Variants in ITGAE observed in about 807,000 individuals in gnomAD.
The protein encoded by ITGAE is integrin subunit alpha E.
Under a neutral mutation model 136.5 loss-of-function variants are expected in ITGAE, and 99 were observed. That is an observed-to-expected ratio of 0.73 (90% CI 0.62 to 0.86). ITGAE has a LOEUF of 0.86. ITGAE is among the 40% of genes least tolerant of loss of function. ITGAE has a pLI of 0.00. For synonymous variants in ITGAE, 613 were observed against 591.8 expected (o/e 1.04, Z -0.52); for missense variants, 1,447 against 1,515.3 (o/e 0.95, Z 0.75).
intron 1 of ITGAE, among the ~76,000 whole-genome samples, chr17:3,795,826 CCTGT>C (rs2053054665): frequency 2.2e-5 from 3 of 139,376 alleles, no homozygotes; most frequent in Admixed American, 1.4e-4. Context: ...CGTGTGCATC[CCTGT>C]GTGTGCATGT....
At chr17:3,723,767 G>T in intron 26 of ITGAE, 23 bp from the exon 27 acceptor site, 1 of 1,605,164 alleles carries the variant, frequency 6.2e-7, no homozygotes, top group Non-Finnish European at 8.5e-7. Context: ...CCATGACCGC[G>T]ACGCGCTGAA....
Position 3,757,756 on chromosome 17 carries a change from T to C in ITGAE, c.970A>G (p.Thr324Ala), listed in dbSNP as rs1396093709. 6.2e-7 allele frequency: 1 copy of C among 1,614,028 alleles called. No homozygotes were observed. Among genetic ancestry groups the C allele is most frequent in the Non-Finnish European group, 8.5e-7 (1 of 1,180,002 alleles). The change falls in exon 9 of 31, where the codon ACA (threonine) becomes GCA (alanine). Residue 324 changes from threonine to alanine, a missense_variant. Thr to Ala is a moderately conservative substitution (Grantham distance 58). This residue lies in a region of ITGAE where 310 missense variants were observed against 416.1 expected (regional missense o/e 0.74). Coordinates refer to ENST00000263087, the MANE Select transcript of ITGAE (RefSeq NM_002208.5). ...TGCATTTTGGGGGAGTTGATGACTGTCGTAAGGTTGAGGGGGTCCTCGAAT... is the reference window on the plus strand; with the variant it reads ...TGCATTTTGGGGGAGTTGATGACTGCCGTAAGGTTGAGGGGGTCCTCGAAT... Reference protein sequence around the residue: ...GIFEDPLNLTTVINSPKMQGV... With the variant: ...GIFEDPLNLTAVINSPKMQGV...
chr17:3,791,252 G>A (rs1241276962), intron 1 of ITGAE, among the ~76,000 whole-genome samples: 1 of 151,912 alleles, frequency 6.6e-6, no homozygotes, highest in African/African-American at 2.4e-5. Context: ...TTAGTTAGGT[G>A]GTAAGAACAT....
At chr17:3,725,856 G>T (rs1375841218) in intron 26 of ITGAE, 3 of 1,602,492 alleles carry the variant, frequency 1.9e-6, no homozygotes, top group Non-Finnish European at 2.6e-6. Flanking sequence ...AGTGGCAGAG[G>T]CATCACTGCG....
Position 3,731,340 on chromosome 17 carries a change from T to TC in ITGAE, c.2755-158_2755-157insG, listed in dbSNP as rs1490725429. Reference sequence around the variant, plus strand: ...AGCATGTTTCCTTTCCCTTCCTTTTTTTTTTTTTTTTTTTTTTTTGAGAGG... The same window carrying TC: ...AGCATGTTTCCTTTCCCTTCCTTTTTCTTTTTTTTTTTTTTTTTTTGAGAGG... On this transcript the variant is annotated intron_variant, in intron 22 of 30. Transcript: ENST00000263087. Among the ~76,000 whole-genome samples the TC allele has an allele frequency of 7.3e-3, 157 of 21,366 alleles. 2 individuals carry two copies. Among genetic ancestry groups the TC allele is most frequent in the African/African-American group, 0.015 (153 of 10,002 alleles). The allele number at this position is 21,366 out of a possible 152,430, so 14.0% of individuals were successfully genotyped here. A position where few individuals can be genotyped will look rare whatever the true frequency, so the allele number is the denominator to read the frequency against.
chr17:3,724,156 G>C, intron 26 of ITGAE: 1 of 1,594,540 alleles, frequency 6.3e-7, no homozygotes, highest in Non-Finnish European at 8.5e-7. Context: ...TTCCCCGGCA[G>C]CCCGGTGAGG....
At chr17:3,794,992 C>G (rs150225193) in intron 1 of ITGAE, among the ~76,000 whole-genome samples, 1 of 152,318 alleles carries the variant, frequency 6.6e-6, no homozygotes, top group Non-Finnish European at 1.5e-5. Flanking sequence ...CAGCGGCTCC[C>G]TCCACCCAGC....
At chr17:3,770,680 G>A (rs766950404) in intron 2 of ITGAE, among the ~76,000 whole-genome samples, 7 of 152,192 alleles carry the variant, frequency 4.6e-5, no homozygotes, top group Non-Finnish European at 5.9e-5. Context: ...GAACCCAGAA[G>A]TGCCTCCCAC....
intron 18 of ITGAE, among the ~76,000 whole-genome samples, chr17:3,743,950 G>T (rs1431340587): frequency 6.6e-6 from 1 of 150,978 alleles, no homozygotes; most frequent in African/African-American, 2.4e-5. Context: ...TGATCCACCC[G>T]CCTCAGCCTC....
Position 3,755,391 on chromosome 17 carries a change from G to T in ITGAE, c.1240-130C>A, listed in dbSNP as rs562697978. 1.3e-4 allele frequency: 143 copies of T among 1,105,770 alleles called. 4 individuals carry two copies. The South Asian group carries it at 2.3e-3, about 18-fold the overall frequency. 68.5% of individuals were successfully genotyped at this position (1,105,770 alleles called of 1,614,324 possible). A position where few individuals can be genotyped will look rare whatever the true frequency, so the allele number is the denominator to read the frequency against. ...GGGGGCGTTCGGTGGTCTAGTGCCC[G>T]CCTGGCCAGAGATGCAGGCGGGAAG... On this transcript the variant is annotated intron_variant, in intron 11 of 30. Coordinates refer to ENST00000263087, the MANE Select transcript of ITGAE (RefSeq NM_002208.5).
At position 3,731,219 on chromosome 17, in the gene ITGAE, C is replaced by A. The variant is rs374610370; in HGVS notation, c.2755-36G>T. The A allele has an allele frequency of 4.0e-6, 6 of 1,514,334 alleles. No individual in the cohort carries two copies. In the South Asian group the frequency reaches 6.7e-5, roughly 17 times the overall value. 93.8% of individuals were successfully genotyped at this position (1,514,334 alleles called of 1,614,324 possible). Reference sequence around the variant, plus strand: ...GGGGGAAAAATGGTCAGTTGATTCTCTCTATGCCACTCACAATTCAGACCG... The same window carrying A: ...GGGGGAAAAATGGTCAGTTGATTCTATCTATGCCACTCACAATTCAGACCG... On this transcript the variant is annotated intron_variant, in intron 22 of 30. Coordinates refer to ENST00000263087, the MANE Select transcript of ITGAE (RefSeq NM_002208.5).
Position 3,740,799 on chromosome 17 carries a change from C to T in ITGAE, c.2449-921G>A, listed in dbSNP as rs187827999. Among the ~76,000 whole-genome samples the T allele has an allele frequency of 3.3e-5, 5 of 152,290 alleles. No homozygotes were observed. In the East Asian group the frequency reaches 9.6e-4, roughly 29 times the overall value. ...CTCCAGTTCGTGTTTTTAAAAATTCCAGTGTTCTAAAGTAGCTGGGTCTGT... is the reference window on the plus strand; with the variant it reads ...CTCCAGTTCGTGTTTTTAAAAATTCTAGTGTTCTAAAGTAGCTGGGTCTGT... On this transcript the variant is annotated intron_variant, in intron 19 of 30. Transcript: ENST00000263087.
intron 1 of ITGAE, among the ~76,000 whole-genome samples, chr17:3,796,030 C>T (rs111590703): frequency 3.9e-5 from 3 of 76,222 alleles, no homozygotes; most frequent in Middle Eastern, 0.024. Flanking sequence ...CGCGTGTGTG[C>T]GTGTGCATCC....
intron 8 of ITGAE, 67 bp from the exon 9 acceptor site, chr17:3,757,926 T>G: frequency 6.4e-7 from 1 of 1,553,516 alleles, no homozygotes; most frequent in Non-Finnish European, 8.8e-7. Context: ...CAGGAGAGAC[T>G]TTATTCTCTG....
rs543452957 is a variant in ITGAE, at chr17:3,797,400, C to T, written c.34+3711G>A. ...CAGGATGGTCTCGATCTCCTGACCT[C>T]ATGATCTGCCCACCTTGGCCTCCTA... On this transcript the variant is annotated intron_variant, in intron 1 of 30. Transcript: ENST00000263087. Among the ~76,000 whole-genome samples the T allele has an allele frequency of 4.4e-3, 657 of 150,762 alleles. 8 individuals carry two copies. The East Asian group carries it at 0.044, about 10-fold the overall frequency.
intron 2 of ITGAE, among the ~76,000 whole-genome samples, chr17:3,773,030 A>G (rs932583046): frequency 2.2e-4 from 33 of 152,166 alleles, no homozygotes; most frequent in Non-Finnish European, 4.4e-5. Flanking sequence ...CAGTCCCACA[A>G]GACTGCTCCT....
rs757045170 is a variant in ITGAE, at chr17:3,757,742, G to T, written c.984C>A (p.Ser328=). 2 of 1,614,024 alleles carry T rather than the reference G, an allele frequency of 1.2e-6. No individual in the cohort carries two copies. The highest frequency in any genetic ancestry group is 1.7e-6 in the Non-Finnish European group (2 of 1,180,044). ...AGCGCTCAACACCCTGCATTTTGGG[G>T]GAGTTGATGACTGTCGTAAGGTTGA... ...DPLNLTTVIN[S]PKMQGVERFA... is the part of the protein sequence containing the mutation. Residue 328 remains serine, a synonymous_variant, in exon 9 of 31, where the codon TCC becomes TCA. Coordinates refer to ENST00000263087, the MANE Select transcript of ITGAE (RefSeq NM_002208.5).
At position 3,743,469 on chromosome 17, in the gene ITGAE, C is replaced by G; in HGVS notation, c.2448+20G>C. 6.4e-7 allele frequency: 1 copy of G among 1,570,086 alleles called. No individual in the cohort carries two copies. The stretch of plus-strand genomic sequence containing the variant: ...GATAGGCTCTTAAGAGGGCTGGGTA[C>G]TGGCTGTGGGTAGAGTCACCTGGAA... On this transcript the variant is annotated intron_variant, in intron 19 of 30. Transcript: ENST00000263087.
At chr17:3,757,643 C>A in intron 9 of ITGAE, 63 bp downstream of exon 9, 1 of 1,577,928 alleles carries the variant, frequency 6.3e-7, no homozygotes, top group South Asian at 1.1e-5. Flanking sequence ...ATCGACAACC[C>A]TGGCTTCTCC....
Sources: gnomAD v4.1 joint callset for allele counts (sites outside exome capture counted in the v4.1 genomes callset) on GRCh38, gnomAD v4.1.1 for gene constraint, gnomAD v4.1.1 regional missense constraint, MANE v1.5 for transcripts, NCBI Gene and HGNC (gene_info 2026-07-23, HGNC 2026-07-21) for gene names.